PRH1: variants seen among roughly 807,000 people sequenced by gnomAD.
PRH1 encodes proline rich protein HaeIII subfamily 1.
In PRH1, 7 loss-of-function variants were observed where a neutral mutation model predicts 7.9. That is an observed-to-expected ratio of 0.89 (90% confidence interval 0.50 to 1.67). The LOEUF (loss-of-function observed/expected upper bound fraction) is 1.67. PRH1 is among the 40% of genes most tolerant of loss of function. The pLI, the probability that PRH1 is intolerant of heterozygous loss-of-function variation, is 0.00. For missense variants in PRH1, 109 were observed against 223.6 expected, an observed-to-expected ratio of 0.49 and a Z score of 3.27; for synonymous variants, 45 against 80.8, an observed-to-expected ratio of 0.56 and a Z score of 2.38.
chr12:10,955,238 G>A, intron 2 of PRH1, among the ~76,000 whole-genome samples: 1 of 151,738 alleles, frequency 6.6e-6, no homozygotes, highest in South Asian at 2.1e-4. Flanking sequence ...CCACATTCTT[G>A]GACCACAGCA....
At chr12:10,998,915 T>C (rs898657627) in intron 1 of PRH1, among the ~76,000 whole-genome samples, 1 of 152,104 alleles carries the variant, frequency 6.6e-6, no homozygotes. Context: ...GGCTTTCTTG[T>C]TCCTTTCCGG....
chr12:11,116,614 A>T (rs1945737599), downstream of PRH1, among the ~76,000 whole-genome samples: 1 of 152,092 alleles, frequency 6.6e-6, no homozygotes. Context: ...AGACAAAGAC[A>T]CATCTAAAAA....
At chr12:11,035,843 A>G (rs1942412847) in intron 1 of PRH1, among the ~76,000 whole-genome samples, 1 of 152,190 alleles carries the variant, frequency 6.6e-6, no homozygotes, top group African/African-American at 2.4e-5. Context: ...GAGCATCTCA[A>G]CCACAGCTCC....
At chr12:10,955,239 GA>G (rs1937895258) in intron 2 of PRH1, among the ~76,000 whole-genome samples, 1 of 151,828 alleles carries the variant, frequency 6.6e-6, no homozygotes, top group Non-Finnish European at 1.5e-5. Context: ...CACATTCTTG[GA>G]CCACAGCACA....
At chr12:10,943,803 C>T (rs1006192200) in intron 2 of PRH1, among the ~76,000 whole-genome samples, 1 of 152,054 alleles carries the variant, frequency 6.6e-6, no homozygotes, top group Non-Finnish European at 1.5e-5. Context: ...GCCAGTTATC[C>T]CAGTGCTATT....
rs1944798169 is a variant in PRH1 at position 11,089,094 on chromosome 12, A to G, written n.124-41906T>C. ...ATGAGCACGCCTCAGTGGCACAAGG[A>G]GTGATGGTATTGGACACAAACATGT... On this transcript the variant is annotated intron_variant and non_coding_transcript_variant, in intron 1 of 4. Transcript: ENST00000541977. Among the ~76,000 whole-genome samples the G allele has an allele frequency of 6.9e-5, 8 of 115,724 alleles. 1 individual carries two copies. Among genetic ancestry groups the G allele is most frequent in the Admixed American group, 6.1e-4 (7 of 11,534 alleles). The allele number at this position is 115,724 out of a possible 152,430, so 75.9% of individuals were successfully genotyped here. A position where few individuals can be genotyped will look rare whatever the true frequency, so the allele number is the denominator to read the frequency against.
intron 2 of PRH1, among the ~76,000 whole-genome samples, chr12:10,922,365 T>C (rs1315699936): frequency 1.3e-5 from 2 of 152,238 alleles, no homozygotes; most frequent in African/African-American, 2.4e-5. Flanking sequence ...AAAAGCTTTT[T>C]CGTTGCTGAG....
At chr12:11,069,961 G>C (rs1371435369) in intron 1 of PRH1, among the ~76,000 whole-genome samples, 2 of 110,600 alleles carry the variant, frequency 1.8e-5, no homozygotes, top group African/African-American at 3.0e-5. Context: ...TAGATAAACA[G>C]TACCCAGAGG....
intron 1 of PRH1, among the ~76,000 whole-genome samples, chr12:11,009,182 T>C (rs1362411324): frequency 6.6e-6 from 1 of 151,906 alleles, no homozygotes; most frequent in Non-Finnish European, 1.5e-5. Flanking sequence ...AATTTCTGTC[T>C]ATAAAAGTCT....
intron 2 of PRH1, among the ~76,000 whole-genome samples, chr12:10,924,345 C>G (rs1171438010): frequency 6.6e-6 from 1 of 152,190 alleles, no homozygotes; most frequent in African/African-American, 2.4e-5. Flanking sequence ...CCCCAAATTG[C>G]AGGCTTAAAA....
At chr12:11,132,364 G>C (rs183855325) in intron 1 of PRH1, among the ~76,000 whole-genome samples, 2 of 149,974 alleles carry the variant, frequency 1.3e-5, no homozygotes, top group East Asian at 4.0e-4. Context: ...CGGAAGACTG[G>C]AGTTCTCTTA....
Position 10,908,963 on chromosome 12 carries a change from C to G in PRH1, c.-58-24688G>C, listed in dbSNP as rs762436956. The G allele has an allele frequency of 2.5e-6, 4 of 1,613,438 alleles. No homozygotes were observed. The African/African-American group carries it at 5.3e-5, about 22-fold the overall frequency. Reference sequence around the variant, plus strand: ...AGAGAAAAGCAGGGCTAGAGAAACTCGCTATTTTGAGCAAATAAAAGATGC... The same window carrying G: ...AGAGAAAAGCAGGGCTAGAGAAACTGGCTATTTTGAGCAAATAAAAGATGC... On this transcript the variant is annotated intron_variant, in intron 2 of 3. Coordinates refer to the PRH1 transcript ENST00000539853.
intron 1 of PRH1, among the ~76,000 whole-genome samples, chr12:11,130,364 C>T (rs902540289): frequency 3.9e-5 from 6 of 152,004 alleles, no homozygotes; most frequent in Non-Finnish European, 8.8e-5. Flanking sequence ...TTACAGTAAA[C>T]GGCATTTTGC....
intron 1 of PRH1, among the ~76,000 whole-genome samples, chr12:11,066,876 G>C (rs1420403444): frequency 8.5e-5 from 10 of 117,238 alleles, no homozygotes; most frequent in Non-Finnish European, 1.8e-4. Context: ...GAATTTCTTT[G>C]CTTCTTTTTC....
chr12:10,894,510 A>G (rs954831883), intron 2 of PRH1, among the ~76,000 whole-genome samples: 2 of 152,102 alleles, frequency 1.3e-5, no homozygotes, highest in Non-Finnish European at 2.9e-5. Flanking sequence ...TTAAATTATC[A>G]ATTGATCATC....
At chr12:10,924,575 G>A (rs1011651575) in intron 2 of PRH1, among the ~76,000 whole-genome samples, 6 of 152,180 alleles carry the variant, frequency 3.9e-5, no homozygotes, top group Non-Finnish European at 8.8e-5. Flanking sequence ...CAGAAGGAAT[G>A]GTACCAGCTC....
intron 1 of PRH1, among the ~76,000 whole-genome samples, chr12:11,043,527 T>C (rs1942794066): frequency 6.6e-6 from 1 of 152,136 alleles, no homozygotes. Context: ...AACAATATGA[T>C]CTTATATTTA....
chr12:10,979,403 G>A (rs557422489), intron 1 of PRH1, among the ~76,000 whole-genome samples: 3 of 152,186 alleles, frequency 2.0e-5, no homozygotes, highest in Non-Finnish European at 2.9e-5. Flanking sequence ...AAGGACACAA[G>A]TATGAAGTCC....
intron 2 of PRH1, among the ~76,000 whole-genome samples, chr12:10,915,909 C>T (rs1307946054): frequency 6.6e-6 from 1 of 152,192 alleles, no homozygotes. Context: ...TGCAAATAAA[C>T]TTTTAAAAAA....
Sources: gnomAD v4.1 joint callset for allele counts (sites outside exome capture counted in the v4.1 genomes callset) on GRCh38, gnomAD v4.1.1 for gene constraint, MANE v1.5 for transcripts, NCBI Gene and HGNC (gene_info 2026-07-23, HGNC 2026-07-21) for gene names.